ZNF451: variants seen among roughly 807,000 people sequenced by gnomAD.
ZNF451 encodes the protein zinc finger protein 451.
In ZNF451, 80 loss-of-function variants were observed where a neutral mutation model predicts 107.1. The observed-to-expected ratio is 0.75, with a 90% CI of 0.62 to 0.90. The LOEUF is 0.90. ZNF451 is among the 40% of genes least tolerant of loss of function. The pLI, the probability that ZNF451 is intolerant of heterozygous loss-of-function variation, is 0.00. For synonymous variants in ZNF451, 362 were observed against 406.5 expected, an observed-to-expected ratio of 0.89 and a Z score of 1.32; for missense variants, 1,107 against 1,236.2, an observed-to-expected ratio of 0.90 and a Z score of 1.57.
intron 11 of ZNF451, 131 bp downstream of exon 11, chr6:57,150,993 A>G (rs1047312134): frequency 6.5e-6 from 7 of 1,085,098 alleles, no homozygotes; most frequent in Non-Finnish European, 7.9e-6. Context: ...CTTTTGTATT[A>G]TAGTTACTCT....
chr6:57,148,484 A>G lies in ZNF451; in HGVS notation c.2399A>G (p.Asp800Gly), dbSNP rs763023825. Reference sequence around the variant, plus strand: ...GGCACCTGCACCAAAGCATTTCATGATCCTGAGAGTGCACAGCAGCATTTC... The same window carrying G: ...GGCACCTGCACCAAAGCATTTCATGGTCCTGAGAGTGCACAGCAGCATTTC... ...KCGTCTKAFH[D>G]PESAQQHFHR... The change falls in exon 10 of 15, where the codon GAT (aspartate) becomes GGT (glycine). Residue 800 changes from aspartate to glycine, a missense_variant. Asp to Gly is a moderately conservative substitution (Grantham distance 94). Transcript: ENST00000370706. The G allele has an allele frequency of 6.2e-7, 1 of 1,614,134 alleles. No homozygotes were observed. The highest frequency in any genetic ancestry group is 8.5e-7 in the Non-Finnish European group (1 of 1,179,992).
At chr6:57,125,258 C>T (rs970759871) in intron 4 of ZNF451, among the ~76,000 whole-genome samples, 5 of 152,104 alleles carry the variant, frequency 3.3e-5, no homozygotes, top group African/African-American at 9.7e-5. Context: ...CAAATTTTAG[C>T]TTATCCTTCC....
chr6:57,095,024 T>C (rs938859625), intron 2 of ZNF451, among the ~76,000 whole-genome samples: 2 of 152,246 alleles, frequency 1.3e-5, no homozygotes, highest in African/African-American at 4.8e-5. Context: ...ATAAATGTTA[T>C]TGATTCTTAG....
chr6:57,152,934 T>TA (rs1832417985), intron 12 of ZNF451, among the ~76,000 whole-genome samples: 1 of 152,180 alleles, frequency 6.6e-6, no homozygotes, highest in African/African-American at 2.4e-5. Context: ...ACTTTCATAT[T>TA]TTAATATCTC....
chr6:57,166,105 G>T (rs1763885033), intron 14 of ZNF451, among the ~76,000 whole-genome samples: 1 of 151,632 alleles, frequency 6.6e-6, no homozygotes, highest in African/African-American at 2.4e-5. Flanking sequence ...TTGGCTCACT[G>T]CAACCTCCGC....
chr6:57,095,833 T>C (rs1294510533), intron 2 of ZNF451, among the ~76,000 whole-genome samples: 1 of 151,926 alleles, frequency 6.6e-6, no homozygotes, highest in Non-Finnish European at 1.5e-5. Context: ...GTTGTTGTTG[T>C]TGTTGTTGAG....
chr6:57,144,530 C>T (rs1185320499), intron 9 of ZNF451, among the ~76,000 whole-genome samples: 1 of 152,004 alleles, frequency 6.6e-6, no homozygotes, highest in African/African-American at 2.4e-5. Context: ...CATGTGCCAC[C>T]GCGCCTAGCC....
intron 13 of ZNF451, 177 bp downstream of exon 13, chr6:57,154,224 T>G: frequency 1.5e-6 from 1 of 648,838 alleles, no homozygotes; most frequent in Non-Finnish European, 2.6e-6. Context: ...CTTTAGTGTT[T>G]TAGAAGGAGG....
In ZNF451 at chr6:57,147,457, G is replaced by A. The variant is rs1284214182; in HGVS notation, c.1372G>A (p.Gly458Ser). 3 of 1,614,000 alleles carry A rather than the reference G, an allele frequency of 1.9e-6. No homozygotes were observed. The highest frequency in any genetic ancestry group is 1.3e-5 in the African/African-American group (1 of 74,918). The change falls in exon 10 of 15, where the codon GGT becomes AGT. Residue 458 changes from glycine (G) to serine (S), a missense_variant. By Grantham distance (56) the Gly-to-Ser change is moderately conservative. Transcript: ENST00000370706. ...KMNLKDKSHE[G>S]VACVQKEKSV... ...GAATTTAAAAGATAAAAGCCATGAAGGTGTTGCTTGTGTCCAGAAAGAAAA... is the reference window on the plus strand; with the variant it reads ...GAATTTAAAAGATAAAAGCCATGAAAGTGTTGCTTGTGTCCAGAAAGAAAA...
chr6:57,144,497 T>C (rs944388348), intron 9 of ZNF451, among the ~76,000 whole-genome samples: 2 of 152,020 alleles, frequency 1.3e-5, no homozygotes, highest in Admixed American at 1.3e-4. Flanking sequence ...CGCCTCAGCC[T>C]CCCAAAGTGC....
intron 13 of ZNF451, among the ~76,000 whole-genome samples, chr6:57,154,728 GAAGTA>G (rs989043987): frequency 6.6e-6 from 1 of 152,064 alleles, no homozygotes; most frequent in African/African-American, 2.4e-5. Context: ...CATAATCTCT[GAAGTA>G]AAGAAATATG....
chr6:57,134,810 T>C lies in ZNF451; in HGVS notation c.642T>C (p.Cys214=). ...GACCTTTCTTCAGCTCCTTTGCTTGTGTAGTATGTTATAAAAAATTTGTTA... is the reference window on the plus strand; with the variant it reads ...GACCTTTCTTCAGCTCCTTTGCTTGCGTAGTATGTTATAAAAAATTTGTTA... ...LHGPFFSSFA[C]VVCYKKFVTQ... The change falls in exon 7 of 15, where the codon TGT becomes TGC. Residue 214 remains cysteine, a synonymous_variant. Transcript: ENST00000370706. 6.2e-7 allele frequency: 1 copy of C among 1,612,564 alleles called. No homozygotes were observed. Among genetic ancestry groups the C allele is most frequent in the Non-Finnish European group, 8.5e-7 (1 of 1,179,238 alleles).
At chr6:57,161,690 TTTTG>T (rs1456903890) in intron 14 of ZNF451, among the ~76,000 whole-genome samples, 4 of 152,068 alleles carry the variant, frequency 2.6e-5, no homozygotes, top group Non-Finnish European at 4.4e-5. Context: ...AAAGGGTTTT[TTTTG>T]TTTGTTTTTT....
At position 57,107,467 on chromosome 6, in the gene ZNF451, G is replaced by A. The variant is rs186209373; in HGVS notation, c.186+8326G>A. The A allele has an allele frequency of 7.1e-6, 7 of 985,212 alleles. No individual in the cohort carries two copies. The African/African-American group carries it at 1.2e-4, about 17-fold the overall frequency. 61.0% of individuals were successfully genotyped at this position (985,212 alleles called of 1,614,324 possible). On this transcript the variant is annotated intron_variant, in intron 3 of 14. Coordinates refer to ENST00000370706, the MANE Select transcript of ZNF451 (RefSeq NM_001031623.3). Reference sequence around the variant, plus strand: ...ATTTTTGAACTTAAATCAACTTTTAGTGCTACCTTGTTTAATGGTAGTAGT... The same window carrying A: ...ATTTTTGAACTTAAATCAACTTTTAATGCTACCTTGTTTAATGGTAGTAGT...
intron 3 of ZNF451, chr6:57,101,133 C>T (rs1829573732): frequency 6.4e-7 from 1 of 1,550,728 alleles, no homozygotes. Flanking sequence ...AAACTGATTA[C>T]AAATCACCAT....
At chr6:57,136,230 A>T (rs1831420406) in intron 7 of ZNF451, among the ~76,000 whole-genome samples, 2 of 152,210 alleles carry the variant, frequency 1.3e-5, no homozygotes, top group Admixed American at 1.3e-4. Flanking sequence ...TTTAAGCTTG[A>T]TATTGGCAAG....
At position 57,167,178 on chromosome 6, in the gene ZNF451, T is replaced by TACAC. The variant is rs201549441; in HGVS notation, c.3140-1244_3140-1243insCACA. 1.1e-4 allele frequency among the ~76,000 whole-genome samples: 16 copies of TACAC among 150,652 alleles called. No individual in the cohort carries two copies. In the East Asian group the frequency reaches 2.7e-3, roughly 26 times the overall value. The stretch of plus-strand genomic sequence containing the variant: ...AAAACAGACGTTGTGATTTCGTATA[T>TACAC]ATATACACACACACACACACACACA... On this transcript the variant is annotated intron_variant, in intron 14 of 14. Transcript: ENST00000370706.
chr6:57,094,902 A>G (rs551951717), intron 2 of ZNF451, among the ~76,000 whole-genome samples: 1 of 152,330 alleles, frequency 6.6e-6, no homozygotes, highest in South Asian at 2.1e-4. Flanking sequence ...CAGTTTTCCC[A>G]TCTGTTAAAT....
chr6:57,103,162 C>T (rs1829687818), intron 3 of ZNF451: 3 of 985,440 alleles, frequency 3.0e-6, no homozygotes, highest in Middle Eastern at 5.2e-4. Flanking sequence ...GAATTCCAAA[C>T]ATGCCTGACA....
Sources: gnomAD v4.1 joint callset for allele counts (sites outside exome capture counted in the v4.1 genomes callset) on GRCh38, gnomAD v4.1.1 for gene constraint, MANE v1.5 for transcripts, NCBI Gene and HGNC (gene_info 2026-07-23, HGNC 2026-07-21) for gene names.